GPALPP1: variants seen among roughly 807,000 people sequenced by gnomAD.
The protein encoded by GPALPP1 is GPALPP motifs-containing protein 1.
Under a neutral mutation model 38.9 loss-of-function variants are expected in GPALPP1, and 30 were observed. The ratio of observed to expected loss-of-function variants is 0.77; its 90% CI spans 0.58 to 1.05. GPALPP1 has a LOEUF of 1.05. GPALPP1 is among the 50% of genes least tolerant of loss of function. The pLI, the probability that GPALPP1 is intolerant of heterozygous loss-of-function variation, is 0.00. For missense variants in GPALPP1, 384 were observed against 408.8 expected (o/e 0.94, Z 0.52); for synonymous variants, 120 against 139.2 (o/e 0.86, Z 0.97).
intron 1 of GPALPP1, among the ~76,000 whole-genome samples, chr13:44,999,821 G>T (rs1380021161): frequency 1.3e-5 from 2 of 152,004 alleles, no homozygotes; most frequent in Non-Finnish European, 2.9e-5. Flanking sequence ...CTCATGATCC[G>T]CCTGCCTTGT....
At chr13:45,018,313 C>T (rs1875022670) in intron 6 of GPALPP1, among the ~76,000 whole-genome samples, 1 of 151,428 alleles carries the variant, frequency 6.6e-6, no homozygotes, top group Non-Finnish European at 1.5e-5. Context: ...AGGAGAATGG[C>T]GTGAACCCAG....
chr13:45,002,160 G>A (rs1330256623), intron 1 of GPALPP1: 1 of 152,456 alleles, frequency 6.6e-6, no homozygotes. Context: ...GCTGGATGTG[G>A]TGGTGCATGC....
At chr13:45,023,520 A>G (rs570130504) in intron 7 of GPALPP1, among the ~76,000 whole-genome samples, 1 of 152,300 alleles carries the variant, frequency 6.6e-6, no homozygotes, top group East Asian at 1.9e-4. Context: ...GTTACCTTAC[A>G]TACAATTTTG....
chr13:45,012,572 A>G (rs2137985282), intron 4 of GPALPP1, among the ~76,000 whole-genome samples: 1 of 152,280 alleles, frequency 6.6e-6, no homozygotes, highest in East Asian at 1.9e-4. Flanking sequence ...CACACTTGGA[A>G]TTTTGTCCTA....
At chr13:45,005,542 T>C (rs1383931128) in intron 2 of GPALPP1, among the ~76,000 whole-genome samples, 1 of 152,154 alleles carries the variant, frequency 6.6e-6, no homozygotes, top group African/African-American at 2.4e-5. Context: ...AACCCTTCCT[T>C]AGATGAGAAT....
intron 4 of GPALPP1, among the ~76,000 whole-genome samples, chr13:45,014,034 A>G (rs180850429): frequency 1.3e-5 from 2 of 152,114 alleles, no homozygotes; most frequent in Non-Finnish European, 2.9e-5. Flanking sequence ...AACGTAAGTG[A>G]TACTTATTTC....
intron 1 of GPALPP1, among the ~76,000 whole-genome samples, chr13:45,000,716 G>A (rs1873613840): frequency 6.6e-6 from 1 of 152,128 alleles, no homozygotes; most frequent in Admixed American, 6.5e-5. Flanking sequence ...CTCCTGTGGG[G>A]TCACACATGA....
exon 8 of GPALPP1, chr13:45,035,863 T>G (rs1483116942): frequency 6.6e-6 from 1 of 152,154 alleles, no homozygotes; most frequent in Non-Finnish European, 1.5e-5. Context: ...AAATTCAAGT[T>G]TAAGAACCAC....
downstream of GPALPP1, chr13:45,034,534 C>T (rs1284779409): frequency 6.6e-6 from 1 of 151,906 alleles, no homozygotes; most frequent in South Asian, 2.1e-4. Context: ...TATGCAAATG[C>T]CCTGAAGCTT....
rs1566081718 is a variant in GPALPP1 at position 45,018,962 on chromosome 13, T to TATATACATATAAATGTATAA, written c.706-1363_706-1362insCATATAAATGTATAAATATA. 1.3e-4 allele frequency among the ~76,000 whole-genome samples: 8 copies of TATATACATATAAATGTATAA among 63,290 alleles called. 3 individuals are homozygous for TATATACATATAAATGTATAA. The highest frequency in any genetic ancestry group is 1.6e-4 in the Non-Finnish European group (6 of 36,976). 41.5% of individuals were successfully genotyped at this position (63,290 alleles called of 152,430 possible). On this transcript the variant is annotated intron_variant, in intron 6 of 7. Transcript: ENST00000379151. Reference sequence around the variant, plus strand: ...ACATATAAATATATATACATATAAATATATATACATATAAATATATATACA... The same window carrying TATATACATATAAATGTATAA: ...ACATATAAATATATATACATATAAATATATACATATAAATGTATAAATATATACATATAAATATATATACA...
intron 7 of GPALPP1, among the ~76,000 whole-genome samples, chr13:45,024,968 CTAGT>C (rs960394463): frequency 1.3e-5 from 2 of 151,984 alleles, no homozygotes; most frequent in African/African-American, 4.8e-5. Flanking sequence ...GACTTTTTTT[CTAGT>C]TAGTTCCTGG....
At chr13:45,024,817 A>G (rs1176406410) in intron 7 of GPALPP1, among the ~76,000 whole-genome samples, 1 of 152,012 alleles carries the variant, frequency 6.6e-6, no homozygotes, top group East Asian at 1.9e-4. Flanking sequence ...AATCCCAGCT[A>G]CTCAGGAGGC....
chr13:45,004,676 C>T (rs967097094), intron 2 of GPALPP1, among the ~76,000 whole-genome samples: 1 of 152,142 alleles, frequency 6.6e-6, no homozygotes, highest in African/African-American at 2.4e-5. Flanking sequence ...GAGACAGGGG[C>T]TCACTCTGGC....
rs553897664 is a variant in GPALPP1, at chr13:45,008,680, A to G, written c.324-115A>G. On this transcript the variant is annotated intron_variant, in intron 3 of 7. Transcript: ENST00000379151. ...ACTAGTAAAAATAAAGTGTTAAATA[A>G]AATTCTTATTTTCAACATTTGTCAC... The G allele has an allele frequency of 2.7e-4, 163 of 603,112 alleles. 2 individuals are homozygous for G. In the East Asian group the frequency reaches 4.4e-3, roughly 16 times the overall value. 37.4% of individuals were successfully genotyped at this position (603,112 alleles called of 1,614,324 possible).
rs569749864 is a variant in GPALPP1 at position 45,012,625 on chromosome 13, G to T, written c.409-2327G>T. Among the ~76,000 whole-genome samples, 15 of 152,212 alleles carry T rather than the reference G, an allele frequency of 9.9e-5. No individual in the cohort carries two copies. In the South Asian group the frequency reaches 3.1e-3, roughly 32 times the overall value. ...ATGAGTAGCTTACATCGTTTCCTTG[G>T]TGGTACACATTCTACATTCCCTGGC... is the stretch of plus-strand genomic sequence containing the variant. On this transcript the variant is annotated intron_variant, in intron 4 of 7. Transcript: ENST00000379151.
rs372437158 is a variant in GPALPP1, at chr13:45,019,339, G to T, written c.706-991G>T. On this transcript the variant is annotated intron_variant, in intron 6 of 7. Transcript: ENST00000379151. ...ATTTTTTGTATTTTAGTAGAGACAG[G>T]GTTTCACCATGTTGCCCAGGGTGGT... Among the ~76,000 whole-genome samples, 5 of 151,558 alleles carry T rather than the reference G, an allele frequency of 3.3e-5. No individual in the cohort carries two copies. The South Asian group carries it at 6.2e-4, about 19-fold the overall frequency.
At position 45,029,878 on chromosome 13, in the gene GPALPP1, A is replaced by G. The variant is rs193041229; in HGVS notation, c.*1875A>G. The G allele has an allele frequency of 3.3e-5, 5 of 152,278 alleles. No homozygotes were observed. Among genetic ancestry groups the G allele is most frequent in the African/African-American group, 9.6e-5 (4 of 41,566 alleles). The allele number at this position is 152,278 out of a possible 1,614,324, so 9.4% of individuals were successfully genotyped here. On this transcript the variant is annotated 3_prime_UTR_variant, in exon 8 of 8. Transcript: ENST00000379151. The stretch of plus-strand genomic sequence containing the variant: ...CTATTTTGCTTTTTCCAACTTTAAT[A>G]GTTAGTATTTCTAGGGGAGGCAATC...
chr13:45,034,950 GGTC>G (rs1876356380), downstream of GPALPP1: 1 of 111,004 alleles, frequency 9.0e-6, no homozygotes. Flanking sequence ...TGGCCAGGCT[GGTC>G]TTTTTTTTTT....
intron 1 of GPALPP1, among the ~76,000 whole-genome samples, chr13:45,003,910 GAAA>G (rs200036968): frequency 7.0e-6 from 1 of 143,644 alleles, no homozygotes; most frequent in African/African-American, 2.5e-5. Context: ...TAAACTGTAA[GAAA>G]AAAAAAAATC....
Sources: allele counts gnomAD v4.1 joint callset (sites outside exome capture counted in the v4.1 genomes callset), GRCh38; gene constraint gnomAD v4.1.1; transcripts MANE v1.5; gene names NCBI Gene and HGNC (gene_info 2026-07-23, HGNC 2026-07-21).